Variants in FRY observed in about 807,000 individuals in gnomAD.
The protein encoded by FRY is FRY microtubule binding protein, also known as protein furry homolog.
Under a neutral mutation model 348.4 loss-of-function variants are expected in FRY, and 128 were observed. The observed-to-expected ratio is 0.37, with a 90% confidence interval of 0.32 to 0.43. The LOEUF (loss-of-function observed/expected upper bound fraction) is 0.43, where lower values mean the gene tolerates loss of function less well. Ranked by LOEUF, FRY falls within the 20% of genes least tolerant of loss-of-function variation. FRY has a pLI of 1.00. For missense variants in FRY, 2,736 were observed against 3,695.2 expected, an observed-to-expected ratio of 0.74 and a Z score of 6.73; for synonymous variants, 1,370 against 1,374.7, an observed-to-expected ratio of 1.00 and a Z score of 0.08.
At chr13:32,200,311 A>C (rs1223880798) in intron 29 of FRY, among the ~76,000 whole-genome samples, 1 of 152,270 alleles carries the variant, frequency 6.6e-6, no homozygotes, top group Non-Finnish European at 1.5e-5. Flanking sequence ...GAATCAAAAA[A>C]AAGATTCCCA....
chr13:32,141,756 T>A (rs1007573408), intron 11 of FRY, among the ~76,000 whole-genome samples: 3 of 152,232 alleles, frequency 2.0e-5, no homozygotes, highest in Non-Finnish European at 4.4e-5. Context: ...CCATTAACTC[T>A]GAATTGTTTT....
chr13:32,062,611 G>A (rs1362383587), intron 1 of FRY, among the ~76,000 whole-genome samples: 1 of 151,978 alleles, frequency 6.6e-6, no homozygotes, highest in African/African-American at 2.4e-5. Flanking sequence ...CCATAACTAA[G>A]AATTTAATAA....
In FRY at chr13:32,199,689, G is replaced by A. The variant is rs1883890880; in HGVS notation, c.3747-2252G>A. On this transcript the variant is annotated intron_variant, in intron 29 of 60. Coordinates refer to ENST00000542859, the MANE Select transcript of FRY (RefSeq NM_023037.3). ...TTCAGGGCGGACCCTGTAGCCCTAT[G>A]TGTTGCTTGAATCTTTTAGAAGAAA... Among the ~76,000 whole-genome samples the A allele has an allele frequency of 2.0e-5, 3 of 152,172 alleles. No individual in the cohort carries two copies. The South Asian group carries it at 6.2e-4, about 32-fold the overall frequency.
chr13:32,150,817 G>A (rs1483504044), intron 14 of FRY, among the ~76,000 whole-genome samples: 1 of 152,160 alleles, frequency 6.6e-6, no homozygotes, highest in East Asian at 1.9e-4. Flanking sequence ...AGGGGACCCA[G>A]GTCCCTGTTA....
At chr13:32,145,537 T>TG (rs1382168183) in intron 11 of FRY, among the ~76,000 whole-genome samples, 6 of 135,658 alleles carry the variant, frequency 4.4e-5, no homozygotes, top group African/African-American at 1.1e-4. Context: ...TTTTTTTTTT[T>TG]TTTTTTTTTT....
intron 11 of FRY, among the ~76,000 whole-genome samples, chr13:32,137,478 C>G (rs1347104574): frequency 6.6e-6 from 1 of 152,214 alleles, no homozygotes; most frequent in Non-Finnish European, 1.5e-5. Flanking sequence ...GCACTTCTTT[C>G]TTGTCACTGT....
intron 3 of FRY, among the ~76,000 whole-genome samples, chr13:32,106,149 A>G (rs910088503): frequency 2.0e-5 from 3 of 148,198 alleles, no homozygotes; most frequent in South Asian, 2.1e-4. Context: ...TAAATATACT[A>G]TTGTATTAAT....
rs374094446 is a variant in FRY, at chr13:32,212,722, A to G, written c.4682+340A>G. Among the ~76,000 whole-genome samples, 22 of 152,206 alleles carry G rather than the reference A, an allele frequency of 1.4e-4. No individual in the cohort carries two copies. The East Asian group carries it at 1.7e-3, about 12-fold the overall frequency. ...TTGCCATGTGAAATTTTCGAATCTG[A>G]TAGTTGAATAATTTCTTAGGGATAG... is the stretch of plus-strand genomic sequence containing the variant. On this transcript the variant is annotated intron_variant, in intron 35 of 60. Transcript: ENST00000542859.
chr13:32,137,192 A>T (rs1467013033), intron 11 of FRY, among the ~76,000 whole-genome samples: 1 of 152,212 alleles, frequency 6.6e-6, no homozygotes, highest in Non-Finnish European at 1.5e-5. Context: ...GGAAAAATAA[A>T]TCTGTTCTAA....
intron 1 of FRY, among the ~76,000 whole-genome samples, chr13:32,073,391 C>A (rs1874800369): frequency 6.6e-6 from 1 of 152,190 alleles, no homozygotes. Flanking sequence ...AGTGTTCATT[C>A]CTTCCTGCGG....
chr13:32,100,984 TG>T (rs150468204), intron 2 of FRY, among the ~76,000 whole-genome samples: 12,180 of 152,226 alleles, frequency 0.08, 549 homozygotes, highest in Non-Finnish European at 0.1. Context: ...TATGAATTTT[TG>T]GGGGATACAT....
intron 1 of FRY, among the ~76,000 whole-genome samples, chr13:32,047,579 T>TC (rs2138386645): frequency 8.2e-6 from 1 of 121,522 alleles, no homozygotes; most frequent in South Asian, 3.1e-4. Context: ...TTTCTTTTTT[T>TC]TTGGGGGGGG....
At chr13:32,115,978 A>AT (rs933970968) in intron 3 of FRY, among the ~76,000 whole-genome samples, 2 of 152,030 alleles carry the variant, frequency 1.3e-5, no homozygotes, top group African/African-American at 4.8e-5. Flanking sequence ...TTCATGTCAT[A>AT]TTTTTATATT....
Position 32,091,837 on chromosome 13 carries a change from A to T in FRY, c.271-10126A>T, listed in dbSNP as rs1475541946. On this transcript the variant is annotated intron_variant, in intron 2 of 60. Transcript: ENST00000542859. ...CTCATTTTTTCTAAAAGATAGCTGA[A>T]GCTTAGAGAAGTTAAGAAAGGGCCA... is the stretch of plus-strand genomic sequence containing the variant. 3.3e-5 allele frequency among the ~76,000 whole-genome samples: 5 copies of T among 152,346 alleles called. No individual in the cohort carries two copies. In the East Asian group the frequency reaches 7.7e-4, roughly 23 times the overall value.
intron 7 of FRY, among the ~76,000 whole-genome samples, chr13:32,128,284 T>C (rs946212518): frequency 1.3e-5 from 2 of 152,184 alleles, no homozygotes; most frequent in Admixed American, 6.5e-5. Flanking sequence ...TCTGATGCCC[T>C]GAAGCCACTA....
rs1187018903 is a variant in FRY, at chr13:32,297,482, TG to T, written c.*2024del. ...CTTACCCAGCAGAGAACCACCGTGA[TG>T]GTTTACTCTTAAAAAGGGAAGGAAA... is the stretch of plus-strand genomic sequence containing the variant. On this transcript the variant is annotated 3_prime_UTR_variant, in exon 61 of 61. Transcript: ENST00000542859. The T allele has an allele frequency of 6.6e-6, 1 of 151,468 alleles. No individual in the cohort carries two copies. The highest frequency in any genetic ancestry group is 1.5e-5 in the Non-Finnish European group (1 of 67,872). 9.4% of individuals were successfully genotyped at this position (151,468 alleles called of 1,614,324 possible).
At position 32,112,186 on chromosome 13, in the gene FRY, AATTCTGTTACTT is replaced by A. The variant is rs1878010590; in HGVS notation, c.325-5138_325-5127del. 3.3e-5 allele frequency among the ~76,000 whole-genome samples: 5 copies of A among 152,174 alleles called. No homozygotes were observed. In the South Asian group the frequency reaches 1.0e-3, roughly 32 times the overall value. On this transcript the variant is annotated intron_variant, in intron 3 of 60. Transcript: ENST00000542859. ...TCTGGTGAATAAAATCCTGACAGCA[AATTCTGTTACTT>A]ATTCTGTTATTAACTTAGCCTGTGA...
intron 1 of FRY, among the ~76,000 whole-genome samples, chr13:32,074,475 A>G (rs1874890056): frequency 6.6e-6 from 1 of 152,180 alleles, no homozygotes; most frequent in Non-Finnish European, 1.5e-5. Context: ...CCACCACAGG[A>G]GCACTGGTTT....
rs775287428 is a variant in FRY at position 32,175,682 on chromosome 13, A to G, written c.2421+50A>G. 1.3e-5 allele frequency: 14 copies of G among 1,056,170 alleles called. No individual in the cohort carries two copies. The East Asian group carries it at 1.7e-4, about 12-fold the overall frequency. 65.4% of individuals were successfully genotyped at this position (1,056,170 alleles called of 1,614,324 possible). On this transcript the variant is annotated intron_variant, in intron 20 of 60. Coordinates refer to ENST00000542859, the MANE Select transcript of FRY (RefSeq NM_023037.3). ...AATGGCTCTTAAAAGCTCTGGACCTATCTAAAATAGTCAGTGAAAAATTAT... is the reference window on the plus strand; with the variant it reads ...AATGGCTCTTAAAAGCTCTGGACCTGTCTAAAATAGTCAGTGAAAAATTAT...
Sources: allele counts gnomAD v4.1 joint callset (sites outside exome capture counted in the v4.1 genomes callset), GRCh38; gene constraint gnomAD v4.1.1; transcripts MANE v1.5; gene names NCBI Gene and HGNC (gene_info 2026-07-23, HGNC 2026-07-21).